Variants in LRRC4C observed in about 807,000 individuals in gnomAD.
The protein encoded by LRRC4C is leucine rich repeat containing 4C.
In LRRC4C, 5 loss-of-function variants were observed where a neutral mutation model predicts 33.6. The ratio of observed to expected loss-of-function variants is 0.15; its 90% CI spans 0.08 to 0.31. LRRC4C has a LOEUF of 0.31. LRRC4C is among the 10% of genes least tolerant of loss of function. LRRC4C has a pLI of 1.00. For missense variants in LRRC4C, 560 were observed against 796.7 expected, an observed-to-expected ratio of 0.70 and a Z score of 3.58; for synonymous variants, 329 against 302.0, an observed-to-expected ratio of 1.09 and a Z score of -0.93.
At chr11:40,737,142 C>T (rs543174485) in intron 2 of LRRC4C, among the ~76,000 whole-genome samples, 9 of 151,836 alleles carry the variant, frequency 5.9e-5, no homozygotes, top group South Asian at 2.1e-4. Context: ...CAATAGATGC[C>T]GAAAAGGCCT....
intron 3 of LRRC4C, among the ~76,000 whole-genome samples, chr11:40,451,410 G>A (rs867647907): frequency 6.1e-5 from 5 of 82,342 alleles, no homozygotes; most frequent in Middle Eastern, 0.034. Context: ...TTTTGAGACA[G>A]AGTCTCACTC....
At chr11:40,401,024 T>C (rs116408531) in intron 3 of LRRC4C, among the ~76,000 whole-genome samples, 2,388 of 152,252 alleles carry the variant, frequency 0.016, 68 homozygotes, top group African/African-American at 0.054. Context: ...GCTCGATAAA[T>C]ATTTATTAAA....
chr11:40,503,569 A>C (rs1212952594), intron 3 of LRRC4C, among the ~76,000 whole-genome samples: 1 of 152,198 alleles, frequency 6.6e-6, no homozygotes, highest in African/African-American at 2.4e-5. Context: ...CCAAAGCTTC[A>C]GTCTTTCAAT....
chr11:40,348,597 T>C (rs1947243168), intron 3 of LRRC4C, among the ~76,000 whole-genome samples: 1 of 152,142 alleles, frequency 6.6e-6, no homozygotes, highest in Non-Finnish European at 1.5e-5. Context: ...TCTCATGACC[T>C]GCATGCCTAC....
At chr11:40,567,902 C>T (rs1250188579) in intron 3 of LRRC4C, among the ~76,000 whole-genome samples, 2 of 152,086 alleles carry the variant, frequency 1.3e-5, no homozygotes, top group Non-Finnish European at 2.9e-5. Context: ...TCATGAAATC[C>T]CCCTTTACCT....
chr11:40,381,776 A>G (rs1948876286), intron 3 of LRRC4C, among the ~76,000 whole-genome samples: 1 of 152,012 alleles, frequency 6.6e-6, no homozygotes, highest in Non-Finnish European at 1.5e-5. Context: ...CTCTTCAGAA[A>G]TTTGGCTTTT....
chr11:40,676,864 G>A (rs1944432049), intron 2 of LRRC4C, among the ~76,000 whole-genome samples: 1 of 152,024 alleles, frequency 6.6e-6, no homozygotes, highest in African/African-American at 2.4e-5. Context: ...ACATTCCCCA[G>A]TTTCTCGGGT....
At chr11:41,145,291 T>C (rs1026859670) in intron 1 of LRRC4C, among the ~76,000 whole-genome samples, 7 of 152,188 alleles carry the variant, frequency 4.6e-5, no homozygotes, top group African/African-American at 1.7e-4. Flanking sequence ...ATAATACTAT[T>C]TTCATTTGAG....
intron 4 of LRRC4C, among the ~76,000 whole-genome samples, chr11:40,316,042 T>C (rs1223117440): frequency 1.3e-5 from 2 of 151,998 alleles, no homozygotes; most frequent in Non-Finnish European, 2.9e-5. Context: ...ATCTAATAAC[T>C]ATTTTAGCCA....
In LRRC4C at chr11:40,486,542, G is replaced by C. The variant is rs185919894; in HGVS notation, c.-270+161600C>G. Among the ~76,000 whole-genome samples the C allele has an allele frequency of 3.9e-5, 6 of 152,144 alleles. No homozygotes were observed. The East Asian group carries it at 9.7e-4, about 25-fold the overall frequency. On this transcript the variant is annotated intron_variant, in intron 3 of 6. Coordinates refer to ENST00000528697, the MANE Select transcript of LRRC4C (RefSeq NM_001258419.2). ...CTGTGTAAGAATTTTTAAGGCAAAA[G>C]AGGAAATTTCAGCTTGAACACTAGC...
chr11:40,710,668 G>A (rs1037438063), intron 2 of LRRC4C, among the ~76,000 whole-genome samples: 9 of 152,122 alleles, frequency 5.9e-5, no homozygotes, highest in African/African-American at 2.2e-4. Context: ...ACCCACTTGA[G>A]GAGGCAGTCT....
At chr11:40,918,228 G>A (rs538090918) in intron 2 of LRRC4C, among the ~76,000 whole-genome samples, 7 of 152,150 alleles carry the variant, frequency 4.6e-5, no homozygotes, top group African/African-American at 1.7e-4. Flanking sequence ...TTTTTATTGT[G>A]AGGATGTATG....
intron 5 of LRRC4C, among the ~76,000 whole-genome samples, chr11:40,220,107 C>T (rs1400115511): frequency 8.5e-5 from 13 of 152,256 alleles, no homozygotes; most frequent in Admixed American, 8.5e-4. Flanking sequence ...CCAAATTATC[C>T]TCAGTTGTAT....
At chr11:40,384,558 C>T (rs1949030371) in intron 3 of LRRC4C, among the ~76,000 whole-genome samples, 1 of 152,134 alleles carries the variant, frequency 6.6e-6, no homozygotes, top group South Asian at 2.1e-4. Context: ...GTCCAACATT[C>T]AAATCGTTCT....
chr11:40,951,171 A>G (rs1244740918), intron 1 of LRRC4C, among the ~76,000 whole-genome samples: 2 of 151,978 alleles, frequency 1.3e-5, no homozygotes, highest in Admixed American at 6.6e-5. Context: ...AACTGCACTG[A>G]TTTTCTAGAA....
At chr11:40,185,099 A>G (rs1478685954) in intron 5 of LRRC4C, among the ~76,000 whole-genome samples, 1 of 152,236 alleles carries the variant, frequency 6.6e-6, no homozygotes, top group Admixed American at 6.5e-5. Flanking sequence ...AATGGGACAC[A>G]GTGTGAACAC....
intron 2 of LRRC4C, among the ~76,000 whole-genome samples, chr11:40,692,997 C>A (rs549752903): frequency 3.3e-5 from 5 of 151,994 alleles, no homozygotes; most frequent in Non-Finnish European, 7.4e-5. Flanking sequence ...GAGATTAATA[C>A]AGAAAGTAAA....
At chr11:40,231,003 G>A (rs1055494788) in intron 5 of LRRC4C, among the ~76,000 whole-genome samples, 1 of 152,148 alleles carries the variant, frequency 6.6e-6, no homozygotes, top group Admixed American at 6.6e-5. Context: ...AGATTTGCAA[G>A]GGCTGGCACA....
chr11:40,273,765 A>C (rs1348007434), intron 4 of LRRC4C, among the ~76,000 whole-genome samples: 1 of 152,184 alleles, frequency 6.6e-6, no homozygotes, highest in Non-Finnish European at 1.5e-5. Context: ...TGTAGTTATT[A>C]TATGCTAAGG....
Sources: allele counts gnomAD v4.1 joint callset (sites outside exome capture counted in the v4.1 genomes callset), GRCh38; gene constraint gnomAD v4.1.1; transcripts MANE v1.5; gene names NCBI Gene and HGNC (gene_info 2026-07-23, HGNC 2026-07-21).